The following CA10 variants were observed in gnomAD, a reference collection of about 807,000 sequenced individuals.
CA10 encodes carbonic anhydrase 10 (inactive).
In CA10, 14 loss-of-function variants were observed where a neutral mutation model predicts 44.2. The observed-to-expected ratio is 0.32, with a 90% CI of 0.21 to 0.50. The LOEUF is 0.50. CA10 is among the 20% of genes least tolerant of loss of function. The pLI is 0.99. For missense variants in CA10, 350 were observed against 409.7 expected (o/e 0.85, Z 1.26); for synonymous variants, 159 against 141.6 (o/e 1.12, Z -0.87).
chr17:51,839,091 A>G (rs1978298274), intron 3 of CA10, among the ~76,000 whole-genome samples: 1 of 152,236 alleles, frequency 6.6e-6, no homozygotes. Flanking sequence ...GCATAAAATC[A>G]TGGTTTCCAT....
chr17:51,641,075 T>A (rs1307818797), intron 6 of CA10, among the ~76,000 whole-genome samples: 1 of 151,958 alleles, frequency 6.6e-6, no homozygotes, highest in African/African-American at 2.4e-5. Flanking sequence ...AGGACAGATG[T>A]TCAAATAAAG....
chr17:51,849,233 G>GTGTA lies in CA10; in HGVS notation c.279+81756_279+81757insTACA, dbSNP rs1387448675. 3.2e-3 allele frequency among the ~76,000 whole-genome samples: 127 copies of GTGTA among 39,846 alleles called. 4 individuals carry two copies. Among genetic ancestry groups the GTGTA allele is most frequent in the Admixed American group, 3.9e-3 (12 of 3,100 alleles). 26.1% of individuals were successfully genotyped at this position (39,846 alleles called of 152,430 possible). On this transcript the variant is annotated intron_variant, in intron 3 of 8. Coordinates refer to ENST00000451037, the MANE Select transcript of CA10 (RefSeq NM_020178.5). ...TATATATATATACATATATGTGTGTGTATATATATATATATATATATATAT... is the reference window on the plus strand; with the variant it reads ...TATATATATATACATATATGTGTGTGTGTATATATATATATATATATATATATAT...
At chr17:52,088,778 A>G (rs4598952) in intron 1 of CA10, among the ~76,000 whole-genome samples, 4,320 of 152,312 alleles carry the variant, frequency 0.028, 72 homozygotes, top group Non-Finnish European at 0.037. Context: ...CCAGCATATG[A>G]TTACAAAAGC....
intron 2 of CA10, among the ~76,000 whole-genome samples, chr17:51,987,883 A>G (rs1984900186): frequency 6.6e-6 from 1 of 152,088 alleles, no homozygotes; most frequent in African/African-American, 2.4e-5. Flanking sequence ...TCATCAGAAG[A>G]AGGTAAATAA....
At chr17:51,761,215 A>T (rs1230063963) in intron 3 of CA10, 2 of 151,914 alleles carry the variant, frequency 1.3e-5, no homozygotes, top group African/African-American at 4.9e-5. Flanking sequence ...TCCTACCCCC[A>T]AAACAGACAG....
chr17:51,834,829 A>T (rs1908416933), intron 3 of CA10, among the ~76,000 whole-genome samples: 1 of 152,206 alleles, frequency 6.6e-6, no homozygotes, highest in South Asian at 2.1e-4. Context: ...GATACTCATT[A>T]GTGGGGACTA....
At chr17:51,722,027 G>A (rs1916365981) in intron 4 of CA10, among the ~76,000 whole-genome samples, 1 of 152,138 alleles carries the variant, frequency 6.6e-6, no homozygotes, top group African/African-American at 2.4e-5. Context: ...CTTATGATTG[G>A]CCTCTGAAGT....
intron 3 of CA10, among the ~76,000 whole-genome samples, chr17:51,830,060 G>C (rs1317334934): frequency 6.6e-6 from 1 of 151,978 alleles, no homozygotes; most frequent in African/African-American, 2.4e-5. Context: ...AGCCGGGTGT[G>C]TTGGCGCATG....
chr17:51,848,454 C>G (rs537319336), intron 3 of CA10, among the ~76,000 whole-genome samples: 3 of 152,314 alleles, frequency 2.0e-5, no homozygotes, highest in African/African-American at 7.2e-5. Context: ...TATACTCATT[C>G]AGCAAGCCTC....
At chr17:52,088,070 T>C (rs1206030088) in intron 1 of CA10, among the ~76,000 whole-genome samples, 1 of 152,066 alleles carries the variant, frequency 6.6e-6, no homozygotes. Context: ...CACTGGGGCC[T>C]ATTGGAGGAT....
At chr17:52,000,747 A>T (rs1985393740) in intron 2 of CA10, among the ~76,000 whole-genome samples, 1 of 152,096 alleles carries the variant, frequency 6.6e-6, no homozygotes, top group South Asian at 2.1e-4. Context: ...CAGTTCATTT[A>T]ATCCTCACAA....
intron 3 of CA10, among the ~76,000 whole-genome samples, chr17:51,794,109 G>A (rs181562477): frequency 2.0e-4 from 30 of 152,204 alleles, no homozygotes; most frequent in Admixed American, 2.6e-4. Context: ...CAGGGTTTTC[G>A]TTGGGTCTCG....
At chr17:51,661,258 A>G (rs1018468493) in intron 4 of CA10, among the ~76,000 whole-genome samples, 5 of 152,228 alleles carry the variant, frequency 3.3e-5, no homozygotes, top group African/African-American at 1.2e-4. Flanking sequence ...GAATGAAGCA[A>G]TGCAGGCTGT....
At position 51,649,168 on chromosome 17, in the gene CA10, T is replaced by C. The variant is rs199559171; in HGVS notation, c.634+14A>G. 6.3e-7 allele frequency: 1 copy of C among 1,599,896 alleles called. No individual in the cohort carries two copies. Among genetic ancestry groups the C allele is most frequent in the Admixed American group, 1.7e-5 (1 of 59,970 alleles). On this transcript the variant is annotated intron_variant, in intron 6 of 8. Coordinates refer to ENST00000451037, the MANE Select transcript of CA10 (RefSeq NM_020178.5). ...ATAGAATAGTTGCTGTGGAGGAAAT[T>C]GAACCAAACTTACTTTTATATGTTA...
chr17:51,830,058 G>A (rs1229826058), intron 3 of CA10, among the ~76,000 whole-genome samples: 3 of 151,980 alleles, frequency 2.0e-5, no homozygotes, highest in Non-Finnish European at 4.4e-5. Context: ...TTAGCCGGGT[G>A]TGTTGGCGCA....
intron 4 of CA10, among the ~76,000 whole-genome samples, chr17:51,733,290 T>C (rs1020156197): frequency 6.6e-5 from 10 of 152,328 alleles, no homozygotes; most frequent in Admixed American, 2.0e-4. Context: ...GGGAATTAGA[T>C]GAATTAAAGC....
chr17:51,989,233 G>A (rs1360340959), intron 2 of CA10, among the ~76,000 whole-genome samples: 4 of 151,226 alleles, frequency 2.6e-5, no homozygotes, highest in East Asian at 2.0e-4. Context: ...GTGTCATGGC[G>A]GTTTGTTCTA....
chr17:51,679,784 C>T (rs1029437386), intron 4 of CA10, among the ~76,000 whole-genome samples: 4 of 152,086 alleles, frequency 2.6e-5, no homozygotes, highest in African/African-American at 4.8e-5. Context: ...AGATGCCGTA[C>T]AGCAGATTCA....
intron 3 of CA10, among the ~76,000 whole-genome samples, chr17:51,917,471 T>C (rs1304183786): frequency 1.3e-5 from 2 of 148,272 alleles, no homozygotes; most frequent in East Asian, 2.0e-4. Context: ...TATACAGAAA[T>C]AGCCAAGGCT....
Sources: gnomAD v4.1 joint callset for allele counts (sites outside exome capture counted in the v4.1 genomes callset) on GRCh38, gnomAD v4.1.1 for gene constraint, MANE v1.5 for transcripts, NCBI Gene and HGNC (gene_info 2026-07-23, HGNC 2026-07-21) for gene names.